Variants in DPP10 observed in about 807,000 individuals in gnomAD.
DPP10 encodes the protein inactive dipeptidyl peptidase 10.
DPP10 carries 33 observed loss-of-function variants against 120.9 expected under a neutral mutation model. The observed-to-expected ratio is 0.27, with a 90% CI of 0.21 to 0.37. The LOEUF is 0.37. Ranked by LOEUF, DPP10 falls within the 10% of genes least tolerant of loss-of-function variation. The probability of loss-of-function intolerance (pLI) is 1.00; values close to 1 mark genes in which losing one functional copy is unlikely to be tolerated. For synonymous variants in DPP10, 337 were observed against 326.1 expected (o/e 1.03, Z -0.36); for missense variants, 816 against 942.8 (o/e 0.87, Z 1.76).
chr2:115,309,672 G>A (rs1217874859), intron 2 of DPP10, among the ~76,000 whole-genome samples: 2 of 152,042 alleles, frequency 1.3e-5, no homozygotes, highest in East Asian at 1.9e-4. Flanking sequence ...GACTTTTATT[G>A]TGGGTTGAAG....
intron 1 of DPP10, among the ~76,000 whole-genome samples, chr2:115,070,179 A>T (rs1018009472): frequency 3.9e-5 from 6 of 152,094 alleles, no homozygotes; most frequent in African/African-American, 9.7e-5. Context: ...ACTTCATGCA[A>T]ATGTGACATT....
At chr2:115,244,538 C>A (rs545569880) in intron 1 of DPP10, among the ~76,000 whole-genome samples, 1 of 151,620 alleles carries the variant, frequency 6.6e-6, no homozygotes, top group Non-Finnish European at 1.5e-5. Context: ...TTTCTTAATT[C>A]TTGAAAGTAA....
At chr2:115,067,412 C>T (rs896486092) in intron 1 of DPP10, among the ~76,000 whole-genome samples, 4 of 151,230 alleles carry the variant, frequency 2.6e-5, no homozygotes, top group Non-Finnish European at 4.4e-5. Context: ...CCACCACGCC[C>T]GGCTAATTTT....
intron 5 of DPP10, among the ~76,000 whole-genome samples, chr2:115,548,580 G>A (rs1247098323): frequency 1.3e-5 from 2 of 151,986 alleles, no homozygotes; most frequent in African/African-American, 4.8e-5. Flanking sequence ...CAGATTTCAA[G>A]ACCCATTATT....
chr2:115,526,981 T>G (rs1344260719), intron 5 of DPP10, among the ~76,000 whole-genome samples: 1 of 152,134 alleles, frequency 6.6e-6, no homozygotes. Context: ...ATTGGGATTT[T>G]GTAAGTCATA....
At chr2:115,145,382 C>T (rs1016287263) in intron 1 of DPP10, among the ~76,000 whole-genome samples, 1 of 152,162 alleles carries the variant, frequency 6.6e-6, no homozygotes, top group Non-Finnish European at 1.5e-5. Flanking sequence ...CAGAATGTCA[C>T]ATATTTGGAA....
intron 1 of DPP10, among the ~76,000 whole-genome samples, chr2:114,837,013 C>A (rs936856657): frequency 5.9e-5 from 9 of 152,058 alleles, no homozygotes; most frequent in Non-Finnish European, 1.2e-4. Flanking sequence ...TCAAGGTGCC[C>A]AGATTTCATA....
At chr2:115,684,859 CTCT>C (rs1446633594) in intron 5 of DPP10, among the ~76,000 whole-genome samples, 1 of 151,926 alleles carries the variant, frequency 6.6e-6, no homozygotes, top group Non-Finnish European at 1.5e-5. Flanking sequence ...AATGAAATCT[CTCT>C]TAACTCTGGT....
intron 1 of DPP10, among the ~76,000 whole-genome samples, chr2:115,253,398 C>A (rs75164888): frequency 0.015 from 2,251 of 152,250 alleles, 64 homozygotes; most frequent in African/African-American, 0.05. Context: ...AAAATCTTGT[C>A]CCAATAGTCC....
At chr2:114,655,518 C>T (rs897825746) in intron 1 of DPP10, among the ~76,000 whole-genome samples, 6 of 152,122 alleles carry the variant, frequency 3.9e-5, no homozygotes, top group Non-Finnish European at 7.4e-5. Flanking sequence ...TTGACTAGTG[C>T]TCTTTTTACT....
chr2:114,820,265 C>G (rs1318257105), intron 1 of DPP10, among the ~76,000 whole-genome samples: 1 of 152,078 alleles, frequency 6.6e-6, no homozygotes, highest in African/African-American at 2.4e-5. Flanking sequence ...GAAATTGGGA[C>G]CCAATGCATG....
rs571971829 is a variant in DPP10 at position 114,919,501 on chromosome 2, G to C, written c.61-389738G>C. On this transcript the variant is annotated intron_variant, in intron 1 of 25. Transcript: ENST00000410059. ...ATCTTAATCAACTCTGTAATTCTGTGATTCTAATTATTTTTTAAATTTTTT... is the reference window on the plus strand; with the variant it reads ...ATCTTAATCAACTCTGTAATTCTGTCATTCTAATTATTTTTTAAATTTTTT... 5.9e-5 allele frequency among the ~76,000 whole-genome samples: 9 copies of C among 152,326 alleles called. No individual in the cohort carries two copies. In the South Asian group the frequency reaches 1.9e-3, roughly 32 times the overall value.
intron 1 of DPP10, among the ~76,000 whole-genome samples, chr2:114,785,471 G>A (rs1307531288): frequency 6.6e-6 from 1 of 152,130 alleles, no homozygotes; most frequent in Admixed American, 6.6e-5. Flanking sequence ...GGTTTATGCA[G>A]GCAAGAAGAT....
chr2:114,954,780 T>G (rs1007554135), intron 1 of DPP10, among the ~76,000 whole-genome samples: 2 of 151,788 alleles, frequency 1.3e-5, no homozygotes, highest in Non-Finnish European at 2.9e-5. Flanking sequence ...AGAAAGGAGA[T>G]ACTACAGCTG....
At chr2:115,021,298 A>G (rs1296335575) in intron 1 of DPP10, among the ~76,000 whole-genome samples, 1 of 152,164 alleles carries the variant, frequency 6.6e-6, no homozygotes, top group Non-Finnish European at 1.5e-5. Context: ...AGAATAGAGA[A>G]GATTCAAATA....
chr2:115,341,509 G>C (rs553074206), intron 2 of DPP10, among the ~76,000 whole-genome samples: 1 of 152,188 alleles, frequency 6.6e-6, no homozygotes, highest in South Asian at 2.1e-4. Context: ...GGATTGTGTT[G>C]TATGGGTTTG....
At chr2:115,585,196 G>A (rs1395769014) in intron 5 of DPP10, among the ~76,000 whole-genome samples, 1 of 152,122 alleles carries the variant, frequency 6.6e-6, no homozygotes, top group African/African-American at 2.4e-5. Context: ...TATTTTCTGA[G>A]TCCCAAAAGT....
intron 1 of DPP10, among the ~76,000 whole-genome samples, chr2:114,620,867 A>T (rs1225921571): frequency 6.6e-6 from 1 of 152,158 alleles, no homozygotes; most frequent in Non-Finnish European, 1.5e-5. Context: ...TGTATAGCTT[A>T]GAAGCTTTGT....
intron 5 of DPP10, among the ~76,000 whole-genome samples, chr2:115,559,439 T>A (rs547650648): frequency 6.6e-6 from 1 of 152,164 alleles, no homozygotes; most frequent in Non-Finnish European, 1.5e-5. Flanking sequence ...AACAGTAGCT[T>A]TCTTAGTTTG....
Sources: gnomAD v4.1 joint callset for allele counts (sites outside exome capture counted in the v4.1 genomes callset) on GRCh38, gnomAD v4.1.1 for gene constraint, MANE v1.5 for transcripts, NCBI Gene and HGNC (gene_info 2026-07-23, HGNC 2026-07-21) for gene names.